The following MBD5 variants were observed in gnomAD, a reference collection of about 807,000 sequenced individuals.
MBD5 encodes the protein methyl-CpG-binding domain protein 5.
A neutral mutation model predicts 117.3 loss-of-function variants in MBD5; 13 were observed. That is an observed-to-expected ratio of 0.11 (90% CI 0.07 to 0.18). The LOEUF is 0.18. Ranked by LOEUF, MBD5 falls within the 10% of genes least tolerant of loss-of-function variation. The pLI is 1.00. For synonymous variants in MBD5, 727 were observed against 766.4 expected (o/e 0.95, Z 0.85); for missense variants, 1,879 against 2,093.8 (o/e 0.90, Z 2.00).
At chr2:148,283,462 C>T (rs1313388461) in intron 3 of MBD5, among the ~76,000 whole-genome samples, 1 of 152,142 alleles carries the variant, frequency 6.6e-6, no homozygotes. Context: ...CTTTCAGTCA[C>T]AGCATACAAT....
At chr2:148,506,552 A>G (rs1682038967) in intron 12 of MBD5, among the ~76,000 whole-genome samples, 1 of 152,244 alleles carries the variant, frequency 6.6e-6, no homozygotes, top group Non-Finnish European at 1.5e-5. Flanking sequence ...GAAGTGAGTC[A>G]CTTAAACTCT....
intron 8 of MBD5, among the ~76,000 whole-genome samples, chr2:148,479,777 A>G (rs1681091300): frequency 7.0e-6 from 1 of 141,980 alleles, no homozygotes; most frequent in Non-Finnish European, 1.5e-5. Flanking sequence ...TTTCCTTTTC[A>G]TCTCTCAAAT....
intron 11 of MBD5, among the ~76,000 whole-genome samples, chr2:148,494,593 G>A (rs1222035062): frequency 2.6e-5 from 4 of 152,196 alleles, no homozygotes; most frequent in Non-Finnish European, 5.9e-5. Context: ...GACATTATGT[G>A]CCTTGTATTA....
intron 1 of MBD5, among the ~76,000 whole-genome samples, chr2:148,123,125 T>C (rs1010337031): frequency 5.9e-4 from 90 of 152,380 alleles, no homozygotes; most frequent in African/African-American, 2.0e-3. Flanking sequence ...TTCTCCTGTT[T>C]AGTCACATAT....
intron 3 of MBD5, among the ~76,000 whole-genome samples, chr2:148,277,805 C>G (rs1427936304): frequency 6.6e-6 from 1 of 151,946 alleles, no homozygotes; most frequent in Admixed American, 6.6e-5. Flanking sequence ...AATTGATTAG[C>G]TTTTGATCTT....
intron 3 of MBD5, among the ~76,000 whole-genome samples, chr2:148,288,298 G>A (rs949519843): frequency 2.2e-4 from 25 of 113,872 alleles, no homozygotes; most frequent in Non-Finnish European, 4.2e-4. Context: ...TACTTGGGAG[G>A]CTGAGGCAGG....
At chr2:148,170,052 C>T (rs890045349) in intron 1 of MBD5, among the ~76,000 whole-genome samples, 8 of 152,098 alleles carry the variant, frequency 5.3e-5, no homozygotes, top group African/African-American at 1.4e-4. Context: ...CGCCCACCAA[C>T]ACACCTGGCT....
chr2:148,473,978 T>C (rs1680877840), intron 8 of MBD5, among the ~76,000 whole-genome samples: 1 of 152,152 alleles, frequency 6.6e-6, no homozygotes, highest in Admixed American at 6.6e-5. Flanking sequence ...TTGGTGACAT[T>C]CCTCAAGTTG....
chr2:148,130,147 A>G (rs1697001060), intron 1 of MBD5, among the ~76,000 whole-genome samples: 1 of 152,214 alleles, frequency 6.6e-6, no homozygotes. Flanking sequence ...AAGCCCATGC[A>G]TTTTGTCCTA....
intron 4 of MBD5, among the ~76,000 whole-genome samples, chr2:148,376,819 A>G (rs1272267346): frequency 1.1e-5 from 1 of 92,944 alleles, no homozygotes; most frequent in African/African-American, 4.0e-5. Context: ...ATTATAATTT[A>G]TATAATATAT....
intron 1 of MBD5, among the ~76,000 whole-genome samples, chr2:148,111,230 A>G (rs973808055): frequency 5.9e-5 from 9 of 152,222 alleles, no homozygotes; most frequent in Non-Finnish European, 1.0e-4. Context: ...ACTAAATTTC[A>G]CAGCACCAAT....
chr2:148,150,592 T>G (rs1161379090), intron 1 of MBD5, among the ~76,000 whole-genome samples: 4 of 152,160 alleles, frequency 2.6e-5, no homozygotes, highest in Admixed American at 1.3e-4. Flanking sequence ...GTTCTTCCAT[T>G]TGTTTGTATC....
chr2:148,089,614 A>C (rs2105220373), intron 1 of MBD5, among the ~76,000 whole-genome samples: 1 of 152,264 alleles, frequency 6.6e-6, no homozygotes, highest in East Asian at 1.9e-4. Flanking sequence ...CAATGAAAAC[A>C]AGATGGAAGT....
At chr2:148,327,331 C>G (rs546202242) in intron 3 of MBD5, among the ~76,000 whole-genome samples, 1 of 151,960 alleles carries the variant, frequency 6.6e-6, no homozygotes, top group Non-Finnish European at 1.5e-5. Flanking sequence ...TTGCTCTTCT[C>G]GAGGAGTATC....
At chr2:148,367,384 A>T (rs1394582723) in intron 4 of MBD5, among the ~76,000 whole-genome samples, 1 of 152,192 alleles carries the variant, frequency 6.6e-6, no homozygotes, top group Non-Finnish European at 1.5e-5. Context: ...CTAGAAGAAA[A>T]CCTAGGCAAT....
At position 148,483,360 on chromosome 2, in the gene MBD5, T is replaced by C. The variant is rs1237651845; in HGVS notation, c.2769T>C (p.Pro923=). Residue 923 remains proline (P), a synonymous_variant, in exon 9 of 14, where the codon CCT becomes CCC. Transcript: ENST00000642680. ...ACCCCAGCCTCCTCAGTTCTCTACC[T>C]ATCTCTTTGCCAGTGAATCAACAGC... ...PLNPSLLSSL[P]ISLPVNQQHL... The C allele has an allele frequency of 6.2e-7, 1 of 1,614,120 alleles. No individual in the cohort carries two copies. The highest frequency in any genetic ancestry group is 8.5e-7 in the Non-Finnish European group (1 of 1,180,012).
At chr2:148,323,969 G>C (rs1278443644) in intron 3 of MBD5, among the ~76,000 whole-genome samples, 1 of 152,142 alleles carries the variant, frequency 6.6e-6, no homozygotes, top group Non-Finnish European at 1.5e-5. Context: ...GGTTTTTATG[G>C]TTTTAGGTCT....
chr2:148,075,158 A>G (rs1695476025), intron 1 of MBD5, among the ~76,000 whole-genome samples: 1 of 152,214 alleles, frequency 6.6e-6, no homozygotes, highest in Non-Finnish European at 1.5e-5. Flanking sequence ...CAACTAAGGA[A>G]GACTGTACAT....
chr2:148,410,939 A>G (rs761245169), intron 4 of MBD5, among the ~76,000 whole-genome samples: 1 of 152,096 alleles, frequency 6.6e-6, no homozygotes, highest in Non-Finnish European at 1.5e-5. Context: ...GAGTTGGTGT[A>G]CAGATTATTT....
Sources: gnomAD v4.1 joint callset for allele counts (sites outside exome capture counted in the v4.1 genomes callset) on GRCh38, gnomAD v4.1.1 for gene constraint, MANE v1.5 for transcripts, NCBI Gene and HGNC (gene_info 2026-07-23, HGNC 2026-07-21) for gene names.